Variants in TOP1MT observed in about 807,000 individuals in gnomAD.
TOP1MT encodes the protein DNA topoisomerase I mitochondrial, also known as DNA topoisomerase I, mitochondrial.
In TOP1MT, 80 loss-of-function variants were observed where a neutral mutation model predicts 73.9. The observed-to-expected ratio is 1.08, with a 90% CI of 0.90 to 1.30. The LOEUF (loss-of-function observed/expected upper bound fraction) is 1.30, where lower values mean the gene tolerates loss of function less well. TOP1MT is among the 50% of genes most tolerant of loss of function. The pLI is 0.00. For synonymous variants in TOP1MT, 338 were observed against 326.4 expected (o/e 1.04, Z -0.38); for missense variants, 815 against 808.0 (o/e 1.01, Z -0.10).
chr8:143,336,688 A>C (rs1461020006), upstream of TOP1MT, among the ~76,000 whole-genome samples: 4 of 152,184 alleles, frequency 2.6e-5, no homozygotes, highest in Admixed American at 6.5e-5. Context: ...ATCCCAAAGA[A>C]TCCACAAAAA....
chr8:143,342,845 C>T (rs56172620), intron 2 of TOP1MT, among the ~76,000 whole-genome samples: 1,509 of 146,884 alleles, frequency 0.01, 27 homozygotes, highest in African/African-American at 0.035. Context: ...AGTGCAGTGG[C>T]GTGATCTCGG....
upstream of TOP1MT, among the ~76,000 whole-genome samples, chr8:143,335,287 G>A (rs1476805532): frequency 6.6e-6 from 1 of 152,204 alleles, no homozygotes; most frequent in African/African-American, 2.4e-5. Context: ...CTGGAGAAGG[G>A]ACCACACAGG....
intron 1 of TOP1MT, among the ~76,000 whole-genome samples, chr8:143,351,415 A>G (rs576672137): frequency 6.6e-6 from 1 of 152,228 alleles, no homozygotes; most frequent in East Asian, 1.9e-4. Context: ...TCTACTAAAA[A>G]TACAAAAATT....
upstream of TOP1MT, among the ~76,000 whole-genome samples, chr8:143,335,615 AG>A (rs1402239300): frequency 2.6e-5 from 4 of 152,380 alleles, no homozygotes; most frequent in South Asian, 8.3e-4. Context: ...ACTTGGCGGT[AG>A]GCCCTGAGCC....
intron 4 of TOP1MT, 141 bp downstream of exon 4, chr8:143,326,081 G>A: frequency 2.2e-6 from 2 of 915,724 alleles, no homozygotes; most frequent in Non-Finnish European, 3.2e-6. Flanking sequence ...CACATGCAGG[G>A]GCGCTAAGGC....
upstream of TOP1MT, among the ~76,000 whole-genome samples, chr8:143,346,827 G>A (rs1178049874): frequency 6.6e-6 from 1 of 152,100 alleles, no homozygotes; most frequent in African/African-American, 2.4e-5. Context: ...AGGTCAGAGG[G>A]AGGACACTAA....
intron 2 of TOP1MT, among the ~76,000 whole-genome samples, chr8:143,340,452 T>C (rs986591551): frequency 6.6e-6 from 1 of 152,142 alleles, no homozygotes; most frequent in Non-Finnish European, 1.5e-5. Context: ...TCTCCTCCTG[T>C]GGCTTAGCTG....
chr8:143,336,112 G>A (rs1013069545), upstream of TOP1MT, among the ~76,000 whole-genome samples: 6 of 152,228 alleles, frequency 3.9e-5, no homozygotes, highest in African/African-American at 1.4e-4. Flanking sequence ...TTCCTTCAAC[G>A]GAATCCTGAG....
chr8:143,317,070 C>T (rs2129945126), intron 10 of TOP1MT, among the ~76,000 whole-genome samples: 1 of 152,358 alleles, frequency 6.6e-6, no homozygotes, highest in Admixed American at 6.5e-5. Context: ...AGCGTCAGCG[C>T]CCCTGAGCAC....
At chr8:143,357,917 G>A (rs140709164), upstream of TOP1MT, among the ~76,000 whole-genome samples, 1,190 of 147,142 alleles carry the variant, frequency 8.1e-3, 22 homozygotes, top group African/African-American at 0.028. Flanking sequence ...GCGAAACTCC[G>A]TCTCAAAAAA....
rs555474470 is a variant in TOP1MT at position 143,324,564 on chromosome 8, A to T, written c.737T>A (p.Val246Asp). 6.2e-7 allele frequency: 1 copy of T among 1,613,754 alleles called. No homozygotes were observed. The highest frequency in any genetic ancestry group is 1.1e-5 in the South Asian group (1 of 91,082). Reference protein sequence around the residue: ...QWKEVRSDNTVTWLAAWTESV... With the variant: ...QWKEVRSDNTDTWLAAWTESV... ...CTCGGTCCAAGCTGCCAGCCACGTG[A>T]CGGTGTTATCGGAGCGCACCTCCTT... The change falls in exon 6 of 14, where the codon GTC becomes GAC. Residue 246 changes from valine (V) to aspartate (D), a missense_variant. This residue lies in a region of TOP1MT where 751 missense variants were observed against 725.4 expected (regional missense o/e 1.04). Transcript: ENST00000329245.
intron 5 of TOP1MT, 92 bp downstream of exon 5, chr8:143,325,254 G>T: frequency 8.6e-7 from 1 of 1,165,788 alleles, no homozygotes; most frequent in Non-Finnish European, 1.2e-6. Flanking sequence ...ATGTTTCTCG[G>T]TGTGCCTCCC....
intron 7 of TOP1MT, among the ~76,000 whole-genome samples, chr8:143,321,816 C>A (rs1816402158): frequency 8.1e-6 from 1 of 123,500 alleles, no homozygotes; most frequent in Non-Finnish European, 1.7e-5. Context: ...ACGCTACACA[C>A]ACACGCACGC....
At chr8:143,331,641 C>A in intron 1 of TOP1MT, 1 of 290,628 alleles carries the variant, frequency 3.4e-6, no homozygotes, top group Non-Finnish European at 6.5e-6. Context: ...CAACGTGCCT[C>A]TCCCAGGCTC....
intron 12 of TOP1MT, among the ~76,000 whole-genome samples, chr8:143,312,455 G>T (rs946403528): frequency 6.6e-6 from 1 of 151,982 alleles, no homozygotes; most frequent in Non-Finnish European, 1.5e-5. Flanking sequence ...ATATAAGGAA[G>T]GGACAAAAAC....
intron 10 of TOP1MT, 149 bp from the exon 11 acceptor site, chr8:143,316,275 G>A: frequency 7.8e-7 from 1 of 1,284,614 alleles, no homozygotes; most frequent in Non-Finnish European, 1.1e-6. Flanking sequence ...CCAAGGGTCA[G>A]TGACCCTCCA....
chr8:143,323,291 C>G (rs1365126650), intron 7 of TOP1MT, among the ~76,000 whole-genome samples: 19 of 125,430 alleles, frequency 1.5e-4, no homozygotes, highest in Admixed American at 2.3e-4. Flanking sequence ...ACGCCACACA[C>G]GCACGCCACA....
upstream of TOP1MT, among the ~76,000 whole-genome samples, chr8:143,339,695 C>G (rs1428198273): frequency 6.6e-6 from 1 of 152,096 alleles, no homozygotes; most frequent in African/African-American, 2.4e-5. Flanking sequence ...ATTCCCAGCA[C>G]TGGTCTACAC....
chr8:143,334,522 T>C (rs1816938214), intron 1 of TOP1MT, among the ~76,000 whole-genome samples: 1 of 151,758 alleles, frequency 6.6e-6, no homozygotes, highest in Non-Finnish European at 1.5e-5. Flanking sequence ...GTTGGTGGGG[T>C]GGTGCCTGGG....
Sources: allele counts gnomAD v4.1 joint callset (sites outside exome capture counted in the v4.1 genomes callset), GRCh38; gene constraint gnomAD v4.1.1; regional missense constraint gnomAD v4.1.1; transcripts MANE v1.5; gene names NCBI Gene and HGNC (gene_info 2026-07-23, HGNC 2026-07-21).